The following CRISP2 variants were observed in gnomAD, a reference collection of about 807,000 sequenced individuals.
The protein encoded by CRISP2 is cysteine rich secretory protein 2.
CRISP2 carries 29 observed loss-of-function variants against 31.7 expected under a neutral mutation model. The observed-to-expected ratio is 0.92, with a 90% CI of 0.68 to 1.25. CRISP2 has a LOEUF of 1.25. Among genes scored for constraint, CRISP2 ranks in the 50% most tolerant of loss-of-function variants. CRISP2 has a pLI of 0.00. For missense variants in CRISP2, 318 were observed against 286.5 expected (o/e 1.11, Z -0.79); for synonymous variants, 111 against 101.4 (o/e 1.09, Z -0.57).
At chr6:49,677,631 G>A in the CRISP2 span, among the ~76,000 whole-genome samples, 3 of 152,058 alleles carry the variant, frequency 2.0e-5, no homozygotes, top group Non-Finnish European at 4.4e-5. Flanking sequence ...AGTCCTGTGG[G>A]AATTATTGTT....
chr6:49,707,017 G>T (rs373531696), intron 4 of CRISP2, among the ~76,000 whole-genome samples: 2 of 151,992 alleles, frequency 1.3e-5, no homozygotes, highest in African/African-American at 2.4e-5. Context: ...AAAAAATCTG[G>T]TTTTTGTGGT....
At chr6:49,678,235 C>T in the CRISP2 span, among the ~76,000 whole-genome samples, 5 of 152,254 alleles carry the variant, frequency 3.3e-5, no homozygotes, top group South Asian at 2.1e-4. Flanking sequence ...AGCGCTTTAG[C>T]GGGCACTAGA....
Position 49,706,324 on chromosome 6 carries a change from A to G in CRISP2, c.66+2807T>C, listed in dbSNP as rs535639672. Among the ~76,000 whole-genome samples the G allele has an allele frequency of 2.2e-4, 33 of 152,294 alleles. No homozygotes were observed. The East Asian group carries it at 6.2e-3, about 29-fold the overall frequency. On this transcript the variant is annotated intron_variant, in intron 4 of 9. Transcript: ENST00000339139. ...CATTCAGTACTATAGTGAAACCATT[A>G]TACCTATTATGTAGCAAATTTTATG...
chr6:49,712,701 A>G (rs1335912392), intron 1 of CRISP2, 97 bp from the exon 2 acceptor site: 2 of 152,180 alleles, frequency 1.3e-5, no homozygotes, highest in East Asian at 1.9e-4. Context: ...TTTTGACTCA[A>G]TTGTTTAGTA....
At position 49,709,218 on chromosome 6, in the gene CRISP2, A is replaced by G. The variant is rs1186570767; in HGVS notation, c.-9-13T>C. 23 of 1,612,488 alleles carry G rather than the reference A, an allele frequency of 1.4e-5. No homozygotes were observed. Among genetic ancestry groups the G allele is most frequent in the Non-Finnish European group, 1.7e-5 (20 of 1,179,574 alleles). ...CCATTGCTGGAAACTAAGTCAAGAA[A>G]AACAAAGGTCTGCATTGAAATATGT... On this transcript the variant is annotated splice_polypyrimidine_tract_variant and intron_variant, in intron 3 of 9. Transcript: ENST00000339139.
At chr6:49,691,028 C>T (rs1764035116), downstream of CRISP2, among the ~76,000 whole-genome samples, 1 of 151,732 alleles carries the variant, frequency 6.6e-6, no homozygotes, top group African/African-American at 2.4e-5. Context: ...GATTTTCCTA[C>T]TACCTGAAAG....
chr6:49,689,361 T>G (rs1239134527), downstream of CRISP2, among the ~76,000 whole-genome samples: 1 of 152,204 alleles, frequency 6.6e-6, no homozygotes, highest in Non-Finnish European at 1.5e-5. Flanking sequence ...TAATTACTTA[T>G]GTTTTTATTA....
At chr6:49,679,115 G>A in the CRISP2 span, among the ~76,000 whole-genome samples, 2 of 151,958 alleles carry the variant, frequency 1.3e-5, no homozygotes, top group African/African-American at 2.4e-5. Flanking sequence ...TCCTATAAAG[G>A]CAATTTAGAT....
chr6:49,684,962 T>C, the CRISP2 span, among the ~76,000 whole-genome samples: 1 of 152,210 alleles, frequency 6.6e-6, no homozygotes, highest in Non-Finnish European at 1.5e-5. Flanking sequence ...TCCCCTTTTG[T>C]TACTCTCTAC....
At chr6:49,696,583 AAAGT>A (rs398001509) in intron 8 of CRISP2, among the ~76,000 whole-genome samples, 32 of 87,456 alleles carry the variant, frequency 3.7e-4, no homozygotes, top group South Asian at 1.7e-3. Flanking sequence ...CCCAGAACTT[AAAGT>A]AAAAAAAAAA....
At chr6:49,712,966 G>C (rs1768304630) in intron 1 of CRISP2, among the ~76,000 whole-genome samples, 1 of 151,964 alleles carries the variant, frequency 6.6e-6, no homozygotes, top group Non-Finnish European at 1.5e-5. Context: ...GTCCCACATG[G>C]TAAGTATTAA....
rs1764643847 is a variant in CRISP2, at chr6:49,695,840, T to C, written c.600A>G (p.Leu200=). 2 of 1,607,586 alleles carry C rather than the reference T, an allele frequency of 1.2e-6. No individual in the cohort carries two copies. The highest frequency in any genetic ancestry group is 8.5e-7 in the Non-Finnish European group (1 of 1,174,900). ...AGCTAATCACTTCAAACTTACTGCA[T>C]AGTCCTTTGTCACAGTCATCAGGGC... ...AGCPDDCDKG[L]CTNSCQYQDL... Residue 200 remains leucine, a synonymous_variant, in exon 9 of 10, where the codon CTA becomes CTG. Coordinates refer to ENST00000339139, the MANE Select transcript of CRISP2 (RefSeq NM_003296.4).
At chr6:49,677,018 C>T in the CRISP2 span, among the ~76,000 whole-genome samples, 5 of 152,106 alleles carry the variant, frequency 3.3e-5, no homozygotes, top group Admixed American at 2.0e-4. Context: ...CTACCTTATA[C>T]TGGGGTAGTA....
At position 49,695,937 on chromosome 6, in the gene CRISP2, A is replaced by C. The variant is rs775291720; in HGVS notation, c.516-13T>G. Reference sequence around the variant, plus strand: ...CATATTATTACCACTGAAATTTGAAATACATGTCAAATATTTTTCACTTTA... The same window carrying C: ...CATATTATTACCACTGAAATTTGAACTACATGTCAAATATTTTTCACTTTA... On this transcript the variant is annotated splice_polypyrimidine_tract_variant and intron_variant, in intron 8 of 9. Coordinates refer to ENST00000339139, the MANE Select transcript of CRISP2 (RefSeq NM_003296.4). The C allele has an allele frequency of 1.3e-6, 2 of 1,554,496 alleles. No individual in the cohort carries two copies. Among genetic ancestry groups the C allele is most frequent in the Admixed American group, 3.4e-5 (2 of 58,706 alleles).
chr6:49,682,488 C>G, the CRISP2 span, among the ~76,000 whole-genome samples: 1 of 132,504 alleles, frequency 7.5e-6, no homozygotes, highest in Non-Finnish European at 1.6e-5. Flanking sequence ...CTCCCTCCTC[C>G]TCCTCCTATT....
chr6:49,701,990 A>T (rs1273106749), intron 4 of CRISP2, among the ~76,000 whole-genome samples: 1 of 38,614 alleles, frequency 2.6e-5, no homozygotes, highest in Non-Finnish European at 4.3e-5. Flanking sequence ...TATATAATAT[A>T]ATATATTATA....
At chr6:49,701,872 T>A (rs184335600) in intron 4 of CRISP2, among the ~76,000 whole-genome samples, 2,901 of 101,164 alleles carry the variant, frequency 0.029, 182 homozygotes, top group African/African-American at 0.11. Flanking sequence ...TATTATATAT[T>A]ATGTATTATA....
the CRISP2 span, among the ~76,000 whole-genome samples, chr6:49,683,681 AAAAAAAAAAAAAAATATATAT>A: frequency 5.7e-5 from 3 of 52,258 alleles, no homozygotes; most frequent in Non-Finnish European, 1.1e-4. Context: ...AAAAAAAAAA[AAAAAAAAAAAAAAATATATAT>A]ATATATATAT....
At chr6:49,701,618 A>G (rs1089531) in intron 4 of CRISP2, among the ~76,000 whole-genome samples, 13,971 of 48,150 alleles carry the variant, frequency 0.29, 2,030 homozygotes, top group East Asian at 0.56. Flanking sequence ...CGGTATATAT[A>G]TATACATTAT....
Sources: gnomAD v4.1 joint callset for allele counts (sites outside exome capture counted in the v4.1 genomes callset) on GRCh38, gnomAD v4.1.1 for gene constraint, MANE v1.5 for transcripts, NCBI Gene and HGNC (gene_info 2026-07-23, HGNC 2026-07-21) for gene names.